PRKAR2B: variants seen among roughly 807,000 people sequenced by gnomAD.
The protein encoded by PRKAR2B is protein kinase cAMP-dependent type II regulatory subunit beta.
Under a neutral mutation model 49.9 loss-of-function variants are expected in PRKAR2B, and 14 were observed. The observed-to-expected ratio is 0.28, with a 90% CI of 0.19 to 0.44. The LOEUF is 0.44. Ranked by LOEUF, PRKAR2B falls within the 20% of genes least tolerant of loss-of-function variation. The probability of loss-of-function intolerance (pLI) is 1.00; values close to 1 mark genes in which losing one functional copy is unlikely to be tolerated. For synonymous variants in PRKAR2B, 196 were observed against 197.7 expected, an observed-to-expected ratio of 0.99 and a Z score of 0.07; for missense variants, 393 against 537.9, an observed-to-expected ratio of 0.73 and a Z score of 2.67.
chr7:107,071,525 G>A (rs527632636), intron 2 of PRKAR2B, among the ~76,000 whole-genome samples: 2 of 152,260 alleles, frequency 1.3e-5, no homozygotes, highest in South Asian at 2.1e-4. Context: ...GTAAGGCGTC[G>A]AATTTTATCC....
intron 4 of PRKAR2B, among the ~76,000 whole-genome samples, chr7:107,130,033 A>G (rs1795574743): frequency 6.6e-6 from 1 of 151,288 alleles, no homozygotes; most frequent in South Asian, 2.1e-4. Context: ...GCAGCCCAGT[A>G]GGTTTCAGCC....
At chr7:107,071,081 TTC>T (rs1794263601) in intron 2 of PRKAR2B, among the ~76,000 whole-genome samples, 2 of 152,174 alleles carry the variant, frequency 1.3e-5, no homozygotes, top group African/African-American at 4.8e-5. Context: ...ATTTAGAAAA[TTC>T]ACCATATGGC....
At chr7:107,149,536 T>G (rs534100451) in intron 6 of PRKAR2B, among the ~76,000 whole-genome samples, 5 of 151,948 alleles carry the variant, frequency 3.3e-5, no homozygotes, top group African/African-American at 4.8e-5. Flanking sequence ...CTCATTGGGA[T>G]CTCTTTTATA....
intron 2 of PRKAR2B, among the ~76,000 whole-genome samples, chr7:107,109,464 TG>T (rs1439119418): frequency 4.6e-5 from 7 of 150,828 alleles, no homozygotes; most frequent in Non-Finnish European, 8.9e-5. Flanking sequence ...GGTCTCACTA[TG>T]TTGCCTAGAC....
At chr7:107,076,138 C>T (rs946935206) in intron 2 of PRKAR2B, among the ~76,000 whole-genome samples, 1 of 152,148 alleles carries the variant, frequency 6.6e-6, no homozygotes, top group Non-Finnish European at 1.5e-5. Flanking sequence ...GCTCTCTCCT[C>T]TCCATCTTTA....
chr7:107,093,918 A>T (rs1794785263), intron 2 of PRKAR2B, among the ~76,000 whole-genome samples: 1 of 152,120 alleles, frequency 6.6e-6, no homozygotes, highest in Non-Finnish European at 1.5e-5. Context: ...TTACTGATGG[A>T]CATTTGGGTT....
intron 1 of PRKAR2B, among the ~76,000 whole-genome samples, chr7:107,064,619 C>G (rs1031766251): frequency 6.6e-6 from 1 of 152,152 alleles, no homozygotes; most frequent in African/African-American, 2.4e-5. Flanking sequence ...GACCATGAAG[C>G]CTTGGAGGGT....
intron 1 of PRKAR2B, among the ~76,000 whole-genome samples, chr7:107,057,051 T>C (rs1373823082): frequency 6.6e-6 from 1 of 152,226 alleles, no homozygotes; most frequent in African/African-American, 2.4e-5. Flanking sequence ...TCTATTGCCC[T>C]GAACCTGCTT....
chr7:107,106,290 A>C (rs1795070886), intron 2 of PRKAR2B, among the ~76,000 whole-genome samples: 1 of 152,152 alleles, frequency 6.6e-6, no homozygotes, highest in Non-Finnish European at 1.5e-5. Flanking sequence ...ATCCCACTGA[A>C]GGTCTGGATC....
intron 2 of PRKAR2B, 94 bp downstream of exon 2, chr7:107,070,410 T>C: frequency 9.5e-7 from 1 of 1,055,466 alleles, no homozygotes; most frequent in Middle Eastern, 2.2e-4. Context: ...AATTGCTGTA[T>C]AGTAAACCTT....
chr7:107,157,099 A>AC, intron 9 of PRKAR2B, 50 bp downstream of exon 9: 2 of 1,607,850 alleles, frequency 1.2e-6, no homozygotes, highest in Non-Finnish European at 1.7e-6. Flanking sequence ...AAGGAACACA[A>AC]CAGATCTACT....
At chr7:107,048,977 G>A (rs902239013) in intron 1 of PRKAR2B, among the ~76,000 whole-genome samples, 4 of 152,116 alleles carry the variant, frequency 2.6e-5, no homozygotes, top group African/African-American at 7.2e-5. Flanking sequence ...CCTCTTCCCC[G>A]TCCTAGAGAA....
At chr7:107,127,868 G>T (rs935444736) in intron 3 of PRKAR2B, among the ~76,000 whole-genome samples, 3 of 152,158 alleles carry the variant, frequency 2.0e-5, no homozygotes, top group African/African-American at 4.8e-5. Context: ...CTTTTGTACG[G>T]GTCCCCACTG....
At position 107,146,311 on chromosome 7, in the gene PRKAR2B, C is replaced by A. The variant is rs1056505017; in HGVS notation, c.591C>A (p.Gly197=). ...CCAATCTACATATGTCCAACAGAGG[C>A]ACATTTGATATTTATGTGAAATGTG... The part of the protein sequence containing the change: ...DGDNFYVIDR[G]TFDIYVKCDG... Residue 197 remains glycine, a synonymous_variant, in exon 6 of 11, where the codon GGC becomes GGA. Transcript: ENST00000265717. The A allele has an allele frequency of 1.2e-6, 2 of 1,613,324 alleles. No individual in the cohort carries two copies. The highest frequency in any genetic ancestry group is 3.3e-5 in the Admixed American group (2 of 59,928).
intron 2 of PRKAR2B, among the ~76,000 whole-genome samples, chr7:107,085,321 G>A (rs891896529): frequency 2.0e-5 from 3 of 152,116 alleles, no homozygotes; most frequent in African/African-American, 7.2e-5. Context: ...GCAAGAGTAA[G>A]TCAAAATACT....
chr7:107,063,363 A>C (rs1794064813), intron 1 of PRKAR2B, among the ~76,000 whole-genome samples: 1 of 152,130 alleles, frequency 6.6e-6, no homozygotes, highest in African/African-American at 2.4e-5. Context: ...AGCATTTTTG[A>C]ACCTAATATA....
At chr7:107,101,106 T>C (rs1421932111) in intron 2 of PRKAR2B, among the ~76,000 whole-genome samples, 1 of 151,930 alleles carries the variant, frequency 6.6e-6, no homozygotes, top group African/African-American at 2.4e-5. Context: ...TTCTGGATTC[T>C]GATTTCCTCC....
chr7:107,088,415 G>C (rs1794660801), intron 2 of PRKAR2B, among the ~76,000 whole-genome samples: 1 of 152,124 alleles, frequency 6.6e-6, no homozygotes, highest in Non-Finnish European at 1.5e-5. Context: ...GGAAAGGAGA[G>C]CATTCCAGGG....
At chr7:107,155,989 G>A (rs1404874712) in intron 8 of PRKAR2B, among the ~76,000 whole-genome samples, 1 of 152,142 alleles carries the variant, frequency 6.6e-6, no homozygotes, top group Non-Finnish European at 1.5e-5. Context: ...ATCATTCTCA[G>A]CAGACTAACA....
Sources: gnomAD v4.1 joint callset for allele counts (sites outside exome capture counted in the v4.1 genomes callset) on GRCh38, gnomAD v4.1.1 for gene constraint, MANE v1.5 for transcripts, NCBI Gene and HGNC (gene_info 2026-07-23, HGNC 2026-07-21) for gene names.